CD8B: variants seen among roughly 807,000 people sequenced by gnomAD.
The protein encoded by CD8B is CD8 subunit beta.
CD8B carries 6 observed loss-of-function variants against 24.2 expected under a neutral mutation model. The ratio of observed to expected loss-of-function variants is 0.25; its 90% confidence interval spans 0.14 to 0.49. The LOEUF is 0.49. Ranked by LOEUF, CD8B falls within the 20% of genes least tolerant of loss-of-function variation. CD8B has a pLI of 0.98. For missense variants in CD8B, 196 were observed against 271.3 expected (o/e 0.72, Z 1.95); for synonymous variants, 84 against 108.3 (o/e 0.78, Z 1.39).
At chr2:86,842,845 C>G (rs183886523) in intron 5 of CD8B, among the ~76,000 whole-genome samples, 1,705 of 152,254 alleles carry the variant, frequency 0.011, 16 homozygotes, top group Middle Eastern at 0.034. Flanking sequence ...GAGAGTACGT[C>G]TGTTCAAAAT....
Position 86,858,225 on chromosome 2 carries a change from T to G in CD8B, c.235A>C (p.Thr79Pro). ...TGTTCCACCTCTTCACCGTGGATAG[T>G]CCCTTTTGCGGAATCCCAGAGGGCC... ...FLALWDSAKG[T>P]IHGEEVEQEK... Residue 79 changes from threonine to proline, a missense_variant, in exon 2 of 6, where the codon ACT becomes CCT. Transcript: ENST00000390655. 3 of 1,614,022 alleles carry G rather than the reference T, an allele frequency of 1.9e-6. No homozygotes were observed. The highest frequency in any genetic ancestry group is 2.5e-6 in the Non-Finnish European group (3 of 1,179,872).
chr2:86,860,690 G>A (rs1676532705), intron 1 of CD8B, among the ~76,000 whole-genome samples: 2 of 152,166 alleles, frequency 1.3e-5, no homozygotes, highest in Non-Finnish European at 2.9e-5. Context: ...TCCTCTCCCT[G>A]ATGGTGGTTA....
chr2:86,855,525 C>T (rs796285690), intron 2 of CD8B, among the ~76,000 whole-genome samples: 3 of 152,188 alleles, frequency 2.0e-5, no homozygotes, highest in African/African-American at 7.2e-5. Flanking sequence ...GATTCTAGAA[C>T]CTGTGCTTCT....
intron 2 of CD8B, among the ~76,000 whole-genome samples, chr2:86,856,103 C>A (rs571455220): frequency 6.6e-6 from 1 of 152,212 alleles, no homozygotes; most frequent in Non-Finnish European, 1.5e-5. Flanking sequence ...AGGTGGGGTT[C>A]GGCTCCGAAG....
intron 5 of CD8B, among the ~76,000 whole-genome samples, chr2:86,828,379 A>G (rs368474756): frequency 5.9e-5 from 9 of 152,212 alleles, no homozygotes; most frequent in South Asian, 4.2e-4. Context: ...GTAGATATAT[A>G]AAGTAGATAA....
chr2:86,842,625 G>T (rs1478294199), intron 5 of CD8B, among the ~76,000 whole-genome samples: 1 of 152,190 alleles, frequency 6.6e-6, no homozygotes, highest in Non-Finnish European at 1.5e-5. Context: ...GAAGAAATTA[G>T]CCTGCAGATG....
intron 1 of CD8B, 138 bp downstream of exon 1, chr2:86,861,685 G>A: frequency 4.0e-6 from 2 of 505,950 alleles, no homozygotes; most frequent in Non-Finnish European, 6.2e-6. Context: ...TGCCTGCCAA[G>A]CTGCCTCCCG....
intron 5 of CD8B, chr2:86,832,933 TCCTCTCCTCCCCTCTCCTCC>T (rs772711008): frequency 0.16 from 33,112 of 211,178 alleles, 3,192 homozygotes; most frequent in Non-Finnish European, 0.2. Context: ...TCCTCTCCTC[TCCTCTCCTCCCCTCTCCTCC>T]CCTCCCCTCT....
In CD8B at chr2:86,841,601, G is replaced by A. The variant is rs1675426548; in HGVS notation, c.*706C>T. The A allele has an allele frequency of 1.0e-6, 1 of 985,022 alleles. No homozygotes were observed. The highest frequency in any genetic ancestry group is 1.2e-6 in the Non-Finnish European group (1 of 829,734). The allele number at this position is 985,022 out of a possible 1,614,324, so 61.0% of individuals were successfully genotyped here. A position where few individuals can be genotyped will look rare whatever the true frequency, so the allele number is the denominator to read the frequency against. ...GAGCCGTTTGTTATCTTTAACCTGG[G>A]ACTTTATTTGTACAACTAAGACATT... On this transcript the variant is annotated 3_prime_UTR_variant, in exon 6 of 6. Transcript: ENST00000390655.
At chr2:86,857,719 CA>C (rs1196303423) in intron 2 of CD8B, among the ~76,000 whole-genome samples, 1 of 151,266 alleles carries the variant, frequency 6.6e-6, no homozygotes, top group African/African-American at 2.4e-5. Context: ...GGCTCTGTCT[CA>C]AAAAAAATAA....
chr2:86,832,477 C>T (rs1276545285), intron 5 of CD8B, among the ~76,000 whole-genome samples: 1 of 123,068 alleles, frequency 8.1e-6, no homozygotes, highest in Non-Finnish European at 1.8e-5. Flanking sequence ...GACTCGATCT[C>T]AAAAAATTAA....
At chr2:86,824,297 G>A (rs1201817816) in intron 5 of CD8B, among the ~76,000 whole-genome samples, 1 of 152,138 alleles carries the variant, frequency 6.6e-6, no homozygotes, top group Non-Finnish European at 1.5e-5. Flanking sequence ...GATCAATGCT[G>A]CTTTGCACAC....
At chr2:86,822,622 T>A (rs1187259350) in intron 5 of CD8B, among the ~76,000 whole-genome samples, 1 of 152,222 alleles carries the variant, frequency 6.6e-6, no homozygotes, top group Admixed American at 6.5e-5. Context: ...TTTTAAAACA[T>A]TAGAAGAAAA....
chr2:86,821,507 A>G (rs13024420), intron 5 of CD8B, among the ~76,000 whole-genome samples: 32,284 of 152,012 alleles, frequency 0.21, 3,635 homozygotes, highest in African/African-American at 0.25. Flanking sequence ...TGTCCTGCGG[A>G]CACACTTGAG....
At position 86,841,724 on chromosome 2, in the gene CD8B, G is replaced by A. The variant is rs977760950; in HGVS notation, c.*583C>T. 1 of 985,524 alleles carries A rather than the reference G, an allele frequency of 1.0e-6. No individual in the cohort carries two copies. Among genetic ancestry groups the A allele is most frequent in the Non-Finnish European group, 1.2e-6 (1 of 829,996 alleles). The allele number at this position is 985,524 out of a possible 1,614,324, so 61.0% of individuals were successfully genotyped here. A position where few individuals can be genotyped will look rare whatever the true frequency, so the allele number is the denominator to read the frequency against. On this transcript the variant is annotated 3_prime_UTR_variant, in exon 6 of 6. Transcript: ENST00000390655. ...GAGTAGAAATGGGAGCTGAGAAGATGAAGTGAACTCCTATCCTCAAACCCG... is the reference window on the plus strand; with the variant it reads ...GAGTAGAAATGGGAGCTGAGAAGATAAAGTGAACTCCTATCCTCAAACCCG...
intron 1 of CD8B, 97 bp downstream of exon 1, chr2:86,861,726 A>C (rs1676606635): frequency 1.0e-6 from 1 of 981,700 alleles, no homozygotes; most frequent in Non-Finnish European, 1.3e-6. Flanking sequence ...TCGACGCTGC[A>C]CCCTGCCAGG....
At chr2:86,846,829 A>T in intron 3 of CD8B, 56 bp from the exon 4 acceptor site, 4 of 1,259,758 alleles carry the variant, frequency 3.2e-6, no homozygotes, top group Non-Finnish European at 4.5e-6. Flanking sequence ...TGCATGAGAC[A>T]CGCAGAAAAA....
chr2:86,834,861 G>A (rs781122611), downstream of CD8B, among the ~76,000 whole-genome samples: 45 of 150,560 alleles, frequency 3.0e-4, no homozygotes, highest in Non-Finnish European at 5.8e-4. Context: ...GCTTGAACCC[G>A]GGAGGCGGAG....
rs527664177 is a variant in CD8B, at chr2:86,833,015, C to T, written c.620+11907G>A. 3.1e-5 allele frequency: 12 copies of T among 386,958 alleles called. No homozygotes were observed. In the East Asian group the frequency reaches 1.2e-3, roughly 39 times the overall value. The allele number at this position is 386,958 out of a possible 1,614,324, so 24.0% of individuals were successfully genotyped here. A position where few individuals can be genotyped will look rare whatever the true frequency, so the allele number is the denominator to read the frequency against. ...CTCTCCTCTCCTCTTCTCTCTCTCC[C>T]TCTTTCCCCTCCACCCTTCCTCTTG... On this transcript the variant is annotated intron_variant, in intron 5 of 5. Coordinates refer to the CD8B transcript ENST00000331469.
Sources: gnomAD v4.1 joint callset for allele counts (sites outside exome capture counted in the v4.1 genomes callset) on GRCh38, gnomAD v4.1.1 for gene constraint, MANE v1.5 for transcripts, NCBI Gene and HGNC (gene_info 2026-07-23, HGNC 2026-07-21) for gene names.